RIT2: variants seen among roughly 807,000 people sequenced by gnomAD.
The protein encoded by RIT2 is GTP-binding protein Rit2.
Under a neutral mutation model 23.7 loss-of-function variants are expected in RIT2, and 24 were observed. The observed-to-expected ratio is 1.01, with a 90% CI of 0.73 to 1.43. The LOEUF is 1.43. Among genes scored for constraint, RIT2 ranks in the 40% most tolerant of loss-of-function variants. RIT2 has a pLI of 0.00. For missense variants in RIT2, 236 were observed against 266.9 expected (o/e 0.88, Z 0.81); for synonymous variants, 107 against 91.1 (o/e 1.17, Z -0.99).
At chr18:42,995,427 G>T (rs1008102146) in intron 2 of RIT2, among the ~76,000 whole-genome samples, 3 of 152,114 alleles carry the variant, frequency 2.0e-5, no homozygotes, top group Admixed American at 6.5e-5. Flanking sequence ...TTCCTACAGG[G>T]TCTAAGAAGA....
chr18:42,937,701 G>A (rs2144153652), intron 3 of RIT2, among the ~76,000 whole-genome samples: 1 of 152,238 alleles, frequency 6.6e-6, no homozygotes. Flanking sequence ...AGATTGACGG[G>A]AAAAGATGGT....
At chr18:42,861,141 C>G (rs1414539757) in intron 4 of RIT2, among the ~76,000 whole-genome samples, 5 of 152,192 alleles carry the variant, frequency 3.3e-5, no homozygotes, top group Admixed American at 3.3e-4. Context: ...TGCTTTAAAA[C>G]TTGTTAGGAC....
intron 2 of RIT2, among the ~76,000 whole-genome samples, chr18:42,976,689 A>G (rs1434806286): frequency 6.6e-6 from 1 of 152,092 alleles, no homozygotes; most frequent in Non-Finnish European, 1.5e-5. Context: ...TAAAGGATGA[A>G]TATGTTCATT....
chr18:43,057,329 A>T (rs942387730), intron 1 of RIT2, among the ~76,000 whole-genome samples: 4 of 152,112 alleles, frequency 2.6e-5, no homozygotes, highest in African/African-American at 9.7e-5. Flanking sequence ...GGCTTTCTCA[A>T]AGTGAAGCAC....
intron 2 of RIT2, among the ~76,000 whole-genome samples, chr18:43,021,615 C>A (rs1019216008): frequency 1.3e-5 from 2 of 151,956 alleles, no homozygotes; most frequent in African/African-American, 4.8e-5. Flanking sequence ...GTGAGTGAGT[C>A]AGTTATTGTG....
chr18:42,985,818 C>T, intron 2 of RIT2, among the ~76,000 whole-genome samples: 1 of 151,524 alleles, frequency 6.6e-6, no homozygotes, highest in Non-Finnish European at 1.5e-5. Flanking sequence ...AGAAGAATAC[C>T]TTCATGACTT....
At chr18:43,082,859 A>G (rs1485166379) in intron 1 of RIT2, among the ~76,000 whole-genome samples, 1 of 152,182 alleles carries the variant, frequency 6.6e-6, no homozygotes, top group African/African-American at 2.4e-5. Context: ...CCTATTCAAC[A>G]TAGTATTGGA....
rs1598645055 is a variant in RIT2 at position 42,765,351 on chromosome 18, C to T, written c.427-21631G>A. On this transcript the variant is annotated intron_variant, in intron 4 of 4. Transcript: ENST00000326695. The stretch of plus-strand genomic sequence containing the variant: ...GAACATGTCATTATCTTCTCTGAGA[C>T]TTGTTGACATACAGCCTGTCCTCAT... Among the ~76,000 whole-genome samples, 4 of 152,268 alleles carry T rather than the reference C, an allele frequency of 2.6e-5. 1 individual carries two copies. Among genetic ancestry groups the T allele is most frequent in the Admixed American group, 1.3e-4 (2 of 15,284 alleles).
intron 1 of RIT2, among the ~76,000 whole-genome samples, chr18:43,053,762 A>C (rs1357099369): frequency 6.6e-6 from 1 of 152,136 alleles, no homozygotes; most frequent in Non-Finnish European, 1.5e-5. Flanking sequence ...TTAGTAAAAA[A>C]TTATATTTAA....
chr18:43,102,445 CTTTTTT>C (rs200839354), intron 1 of RIT2, among the ~76,000 whole-genome samples: 4 of 109,932 alleles, frequency 3.6e-5, no homozygotes, highest in African/African-American at 1.4e-4. Context: ...TCAGGAAACC[CTTTTTT>C]TTTTTTTTTT....
chr18:43,102,387 T>C lies in RIT2; in HGVS notation c.103+13030A>G, dbSNP rs115880682. On this transcript the variant is annotated intron_variant, in intron 1 of 4. Coordinates refer to ENST00000326695, the MANE Select transcript of RIT2 (RefSeq NM_002930.4). The stretch of plus-strand genomic sequence containing the variant: ...TGAAGTCTTATTTGCTGAGATCTTC[T>C]TATAACATTTTATAAAATACTTTCT... Among the ~76,000 whole-genome samples, 282 of 151,964 alleles carry C rather than the reference T, an allele frequency of 1.9e-3. 1 individual carries two copies. Among genetic ancestry groups the C allele is most frequent in the African/African-American group, 6.5e-3 (268 of 41,500 alleles).
At chr18:42,841,923 T>C (rs1209034500) in intron 4 of RIT2, among the ~76,000 whole-genome samples, 1 of 152,214 alleles carries the variant, frequency 6.6e-6, no homozygotes, top group Non-Finnish European at 1.5e-5. Context: ...GCCACCCATG[T>C]CTGGCACATT....
At chr18:42,937,004 C>G (rs1909476738) in intron 3 of RIT2, among the ~76,000 whole-genome samples, 3 of 146,408 alleles carry the variant, frequency 2.0e-5, no homozygotes, top group South Asian at 2.2e-4. Context: ...AAGAGCAAAA[C>G]TCAACTTAAA....
At chr18:42,797,014 A>G (rs376690862) in intron 4 of RIT2, among the ~76,000 whole-genome samples, 2 of 152,160 alleles carry the variant, frequency 1.3e-5, no homozygotes, top group Non-Finnish European at 2.9e-5. Flanking sequence ...CTAAATCCAT[A>G]TGTACCTATT....
intron 1 of RIT2, among the ~76,000 whole-genome samples, chr18:43,090,160 G>T (rs1187317486): frequency 6.6e-6 from 1 of 151,756 alleles, no homozygotes; most frequent in Non-Finnish European, 1.5e-5. Flanking sequence ...AAGCTACAAA[G>T]AACTTAAACA....
intron 1 of RIT2, among the ~76,000 whole-genome samples, chr18:43,081,821 T>C (rs992240901): frequency 2.0e-5 from 3 of 152,182 alleles, no homozygotes; most frequent in Admixed American, 6.6e-5. Flanking sequence ...TCAAAGCCTA[T>C]ATCAATAGCA....
chr18:42,744,572 A>T (rs1420564087), intron 4 of RIT2, among the ~76,000 whole-genome samples: 1 of 151,728 alleles, frequency 6.6e-6, no homozygotes, highest in Non-Finnish European at 1.5e-5. Flanking sequence ...AATTTTTTTG[A>T]CTTTTTTTTT....
At chr18:42,837,892 A>G (rs778462817) in intron 4 of RIT2, among the ~76,000 whole-genome samples, 53 of 152,358 alleles carry the variant, frequency 3.5e-4, no homozygotes, top group Admixed American at 2.6e-3. Flanking sequence ...GAAATTAGGT[A>G]AATATAGGAC....
At chr18:42,889,462 G>C (rs1256343422) in intron 4 of RIT2, among the ~76,000 whole-genome samples, 1 of 152,020 alleles carries the variant, frequency 6.6e-6, no homozygotes, top group Non-Finnish European at 1.5e-5. Context: ...CAAGAAAGTA[G>C]AATTACCATT....
Sources: allele counts gnomAD v4.1 joint callset (sites outside exome capture counted in the v4.1 genomes callset), GRCh38; gene constraint gnomAD v4.1.1; transcripts MANE v1.5; gene names NCBI Gene and HGNC (gene_info 2026-07-23, HGNC 2026-07-21).